The following CAST variants were observed in gnomAD, a reference collection of about 807,000 sequenced individuals.
CAST encodes the protein MIR583 host.
Under a neutral mutation model 119.6 loss-of-function variants are expected in CAST, and 76 were observed. The ratio of observed to expected loss-of-function variants is 0.64; its 90% confidence interval spans 0.53 to 0.77. CAST has a LOEUF of 0.77. Among genes scored for constraint, CAST ranks in the 30% least tolerant of loss-of-function variants. The pLI, the probability that CAST is intolerant of heterozygous loss-of-function variation, is 0.00. For missense variants in CAST, 953 were observed against 946.5 expected (o/e 1.01, Z -0.09); for synonymous variants, 319 against 331.6 (o/e 0.96, Z 0.41).
At chr5:96,167,817 G>A in the CAST span, among the ~76,000 whole-genome samples, 1 of 152,162 alleles carries the variant, frequency 6.6e-6, no homozygotes, top group African/African-American at 2.4e-5. Flanking sequence ...TTCCTAACTC[G>A]AGGCATGTGA....
At chr5:96,415,232 T>G in the CAST span, among the ~76,000 whole-genome samples, 1 of 152,304 alleles carries the variant, frequency 6.6e-6, no homozygotes, top group South Asian at 2.1e-4. Flanking sequence ...TTCAGCCAAC[T>G]GAAGACACCA....
At chr5:96,214,784 A>G in the CAST span, 2 of 152,204 alleles carry the variant, frequency 1.3e-5, no homozygotes, top group African/African-American at 4.8e-5. Flanking sequence ...AGATTGTTTT[A>G]TAGTATTTGG....
At chr5:96,169,758 G>T in the CAST span, among the ~76,000 whole-genome samples, 3 of 152,086 alleles carry the variant, frequency 2.0e-5, no homozygotes, top group East Asian at 3.9e-4. Flanking sequence ...ACAAGGGGAG[G>T]ATGTCAAGGA....
chr5:96,487,796 T>C, the CAST span, among the ~76,000 whole-genome samples: 14 of 152,230 alleles, frequency 9.2e-5, no homozygotes, highest in African/African-American at 3.4e-4. Flanking sequence ...AGCATGTGAA[T>C]GAAACTCAAT....
At chr5:96,443,632 C>T in the CAST span, among the ~76,000 whole-genome samples, 2 of 152,298 alleles carry the variant, frequency 1.3e-5, no homozygotes, top group East Asian at 1.9e-4. Context: ...ATTATTGCTG[C>T]ACTTAGTATC....
At chr5:96,744,971 CT>C (rs1010014688) in intron 16 of CAST, among the ~76,000 whole-genome samples, 3 of 152,042 alleles carry the variant, frequency 2.0e-5, no homozygotes, top group Admixed American at 6.6e-5. Flanking sequence ...TCAGTAGGCT[CT>C]TTTTTTTCGA....
intron 24 of CAST, among the ~76,000 whole-genome samples, 153 bp downstream of exon 24, chr5:96,757,807 C>T (rs1481895378): frequency 4.6e-5 from 7 of 151,934 alleles, no homozygotes. Flanking sequence ...TCTCCTGCCC[C>T]AGCCTCCTGA....
the CAST span, among the ~76,000 whole-genome samples, chr5:96,022,157 T>G: frequency 2.3e-4 from 35 of 152,214 alleles, no homozygotes; most frequent in African/African-American, 8.4e-4. Flanking sequence ...TATAAAGGGC[T>G]TGAGCATCTC....
chr5:95,982,096 T>G, the CAST span, among the ~76,000 whole-genome samples: 6 of 151,828 alleles, frequency 4.0e-5, no homozygotes, highest in Non-Finnish European at 7.4e-5. Context: ...TGTAATACAT[T>G]TTATATGTAA....
chr5:96,361,122 T>TTAC, the CAST span, among the ~76,000 whole-genome samples: 1 of 152,164 alleles, frequency 6.6e-6, no homozygotes, highest in Admixed American at 6.5e-5. Context: ...GCAGCTTTGT[T>TTAC]TACACTCTTA....
chr5:96,559,491 A>T (rs547054917), intron 1 of CAST, among the ~76,000 whole-genome samples: 4 of 152,350 alleles, frequency 2.6e-5, no homozygotes, highest in African/African-American at 9.6e-5. Context: ...CCTTAAGCTG[A>T]TAAGCAACTT....
intron 1 of CAST, among the ~76,000 whole-genome samples, chr5:96,633,380 C>A (rs1426734449): frequency 6.6e-6 from 1 of 152,162 alleles, no homozygotes; most frequent in East Asian, 1.9e-4. Flanking sequence ...TCTTTAATTT[C>A]TTTCAGTAAT....
At chr5:96,647,636 C>T (rs1350887283) in intron 1 of CAST, among the ~76,000 whole-genome samples, 1 of 152,064 alleles carries the variant, frequency 6.6e-6, no homozygotes, top group Non-Finnish European at 1.5e-5. Context: ...TCCAATATGA[C>T]AGATTTCCTT....
At chr5:96,146,787 A>T in the CAST span, among the ~76,000 whole-genome samples, 9 of 152,122 alleles carry the variant, frequency 5.9e-5, no homozygotes, top group Non-Finnish European at 1.2e-4. Flanking sequence ...TGTAAAGTTC[A>T]TTGTGACTCA....
chr5:96,003,946 CT>C, the CAST span, among the ~76,000 whole-genome samples: 2 of 152,124 alleles, frequency 1.3e-5, no homozygotes, highest in Non-Finnish European at 2.9e-5. Context: ...ATACAGTCAT[CT>C]TTTTTTCATA....
chr5:96,320,397 C>A, the CAST span, among the ~76,000 whole-genome samples: 5 of 151,906 alleles, frequency 3.3e-5, no homozygotes, highest in African/African-American at 1.2e-4. Context: ...GCCACCACAC[C>A]CGGCCAATTT....
the CAST span, among the ~76,000 whole-genome samples, chr5:96,303,536 G>A: frequency 4.6e-5 from 7 of 152,020 alleles, no homozygotes; most frequent in African/African-American, 1.5e-4. Flanking sequence ...AGGTATACAC[G>A]TACCATGGTG....
At chr5:96,432,170 A>T in the CAST span, 1 of 1,529,792 alleles carries the variant, frequency 6.5e-7, no homozygotes, top group Non-Finnish European at 8.8e-7. Flanking sequence ...GGGCAAAGTT[A>T]TGAAGCTTGG....
At chr5:96,613,442 G>GCTAT (rs1006532577) in intron 1 of CAST, among the ~76,000 whole-genome samples, 1 of 151,940 alleles carries the variant, frequency 6.6e-6, no homozygotes, top group Admixed American at 6.6e-5. Context: ...TACTATTTGT[G>GCTAT]CTATCTGTAT....
Sources: allele counts gnomAD v4.1 joint callset (sites outside exome capture counted in the v4.1 genomes callset), GRCh38; gene constraint gnomAD v4.1.1; transcripts MANE v1.5; gene names NCBI Gene and HGNC (gene_info 2026-07-23, HGNC 2026-07-21).